LYZL1: variants seen among roughly 807,000 people sequenced by gnomAD.
The protein encoded by LYZL1 is lysozyme like 1, also known as lysozyme-like protein 1.
LYZL1 carries 16 observed loss-of-function variants against 17.9 expected under a neutral mutation model. The observed-to-expected ratio is 0.90, with a 90% CI of 0.61 to 1.36. LYZL1 has a LOEUF of 1.36. LYZL1 is among the 40% of genes most tolerant of loss of function. The pLI is 0.00. For synonymous variants in LYZL1, 58 were observed against 71.8 expected (o/e 0.81, Z 0.97); for missense variants, 149 against 188.4 (o/e 0.79, Z 1.22).
intron 3 of LYZL1, among the ~76,000 whole-genome samples, chr10:29,304,398 T>C (rs1250733670): frequency 6.6e-6 from 1 of 152,172 alleles, no homozygotes; most frequent in African/African-American, 2.4e-5. Flanking sequence ...AATTGGCCTT[T>C]GTCATCTCAC....
At chr10:29,311,279 A>G (rs1409069757), downstream of LYZL1, 11 of 1,377,200 alleles carry the variant, frequency 8.0e-6, no homozygotes, top group Non-Finnish European at 1.0e-5. Context: ...TAAGACTTGA[A>G]AAATCACCTC....
At chr10:29,311,509 G>T (rs1835672340), downstream of LYZL1, among the ~76,000 whole-genome samples, 1 of 152,132 alleles carries the variant, frequency 6.6e-6, no homozygotes, top group Non-Finnish European at 1.5e-5. Context: ...GTCTATGCAT[G>T]CCCACCCACA....
downstream of LYZL1, among the ~76,000 whole-genome samples, chr10:29,312,697 C>A (rs112324881): frequency 0.036 from 5,477 of 152,220 alleles, 136 homozygotes; most frequent in Middle Eastern, 0.12. Flanking sequence ...GCCTTCTGCT[C>A]CGCACAGGGA....
chr10:29,316,273 A>G (rs1835728830), intron 3 of LYZL1, among the ~76,000 whole-genome samples: 1 of 152,204 alleles, frequency 6.6e-6, no homozygotes, highest in South Asian at 2.1e-4. Flanking sequence ...CCACAAGTGC[A>G]GGGAAATAGA....
At chr10:29,305,571 T>C (rs1480221912) in intron 3 of LYZL1, among the ~76,000 whole-genome samples, 1 of 152,206 alleles carries the variant, frequency 6.6e-6, no homozygotes, top group Non-Finnish European at 1.5e-5. Context: ...AAACATAAGC[T>C]AGTAGTAATA....
At chr10:29,297,199 C>T (rs146574601) in intron 3 of LYZL1, among the ~76,000 whole-genome samples, 154 of 149,890 alleles carry the variant, frequency 1.0e-3, no homozygotes, top group African/African-American at 3.6e-3. Context: ...TAGAAGATAA[C>T]ATTGAAGAAA....
At chr10:29,316,222 G>A (rs1354409516), downstream of LYZL1, among the ~76,000 whole-genome samples, 2 of 152,200 alleles carry the variant, frequency 1.3e-5, no homozygotes, top group Non-Finnish European at 2.9e-5. Flanking sequence ...CCTTGAGCAG[G>A]TAATTCTTTC....
At chr10:29,307,927 C>A (rs1487184722) in intron 3 of LYZL1, among the ~76,000 whole-genome samples, 1 of 152,142 alleles carries the variant, frequency 6.6e-6, no homozygotes, top group Non-Finnish European at 1.5e-5. Flanking sequence ...GACGTTGAAT[C>A]CATTATACGC....
intron 3 of LYZL1, among the ~76,000 whole-genome samples, chr10:29,295,339 G>T (rs1358154001): frequency 2.0e-5 from 3 of 152,176 alleles, no homozygotes; most frequent in Admixed American, 2.0e-4. Context: ...GTATGCAAAT[G>T]ATTTATAAGT....
chr10:29,306,796 ATGTGTG>A lies in LYZL1; in HGVS notation c.299-3285_299-3280del, dbSNP rs35332190. ...CACCTCACATAGTTACCGCTTATGT[ATGTGTG>A]TGTGTGTGTGTGTGTGTGTGTGTGT... is the stretch of plus-strand genomic sequence containing the variant. On this transcript the variant is annotated intron_variant, in intron 3 of 4. Coordinates refer to ENST00000649382, the MANE Select transcript of LYZL1 (RefSeq NM_032517.6). Among the ~76,000 whole-genome samples the A allele has an allele frequency of 5.0e-3, 699 of 141,168 alleles. 3 individuals carry two copies. Among genetic ancestry groups the A allele is most frequent in the African/African-American group, 6.8e-3 (254 of 37,462 alleles). The allele number at this position is 141,168 out of a possible 152,430, so 92.6% of individuals were successfully genotyped here.
At chr10:29,297,263 G>A (rs1381896076) in intron 3 of LYZL1, among the ~76,000 whole-genome samples, 3 of 152,014 alleles carry the variant, frequency 2.0e-5, no homozygotes, top group Non-Finnish European at 4.4e-5. Flanking sequence ...GGAGAAATAA[G>A]AATGATAAAA....
chr10:29,291,896 T>C lies in LYZL1; in HGVS notation c.29T>C (p.Ile10Thr), dbSNP rs370710724. Residue 10 changes from isoleucine to threonine, a missense_variant, in exon 2 of 5, where the codon ATT becomes ACT. Transcript: ENST00000649382. MKAAGILTLIGCLVTGAESK... is the reference protein window; with the variant it reads MKAAGILTLTGCLVTGAESK... ...AAGGCTGCGGGCATTCTGACCCTCA[T>C]TGGCTGCCTGGTCACAGGCGCCGAG... The C allele has an allele frequency of 3.0e-5, 48 of 1,592,068 alleles. No homozygotes were observed. Among genetic ancestry groups the C allele is most frequent in the African/African-American group, 2.3e-4 (17 of 73,262 alleles).
chr10:29,290,039 C>T (rs1281254549), intron 1 of LYZL1, among the ~76,000 whole-genome samples: 1 of 152,150 alleles, frequency 6.6e-6, no homozygotes, highest in Non-Finnish European at 1.5e-5. Context: ...ATTGCTTAGT[C>T]ACCTTAAAGC....
Position 29,296,370 on chromosome 10 carries a change from G to A in LYZL1, c.298+3693G>A, listed in dbSNP as rs563812245. 2.6e-5 allele frequency among the ~76,000 whole-genome samples: 4 copies of A among 152,184 alleles called. No homozygotes were observed. The East Asian group carries it at 7.7e-4, about 29-fold the overall frequency. On this transcript the variant is annotated intron_variant, in intron 3 of 4. Coordinates refer to ENST00000649382, the MANE Select transcript of LYZL1 (RefSeq NM_032517.6). ...CCAACAACAACAACAACAACAAAAA[G>A]CTCTGAAATCAGTAGCATTAGCTAC... is the stretch of plus-strand genomic sequence containing the variant.
At chr10:29,297,571 T>C (rs975820919) in intron 3 of LYZL1, among the ~76,000 whole-genome samples, 4 of 152,254 alleles carry the variant, frequency 2.6e-5, no homozygotes, top group African/African-American at 9.6e-5. Flanking sequence ...TTCTGCTTTG[T>C]CTCATACTGG....
At chr10:29,313,174 G>A (rs1287408837), downstream of LYZL1, among the ~76,000 whole-genome samples, 1 of 152,032 alleles carries the variant, frequency 6.6e-6, no homozygotes, top group African/African-American at 2.4e-5. Flanking sequence ...CAATTTAACA[G>A]GCATTATAAA....
chr10:29,304,435 G>A lies in LYZL1; in HGVS notation c.299-5675G>A, dbSNP rs374227755. Among the ~76,000 whole-genome samples the A allele has an allele frequency of 4.9e-4, 74 of 152,294 alleles. 1 individual carries two copies. Among genetic ancestry groups the A allele is most frequent in the African/African-American group, 1.8e-3 (73 of 41,582 alleles). On this transcript the variant is annotated intron_variant, in intron 3 of 4. Coordinates refer to ENST00000649382, the MANE Select transcript of LYZL1 (RefSeq NM_032517.6). ...GGGGAAAGAGATGAACATCGAGGGT[G>A]TGTGGCTGCTAGATTTCACTTGGGA...
At chr10:29,308,045 C>T (rs1835619475) in intron 3 of LYZL1, among the ~76,000 whole-genome samples, 1 of 152,094 alleles carries the variant, frequency 6.6e-6, no homozygotes, top group Non-Finnish European at 1.5e-5. Flanking sequence ...CAAAACAAAA[C>T]CTTTGAGTAA....
intron 3 of LYZL1, among the ~76,000 whole-genome samples, chr10:29,295,852 G>A (rs1255438477): frequency 1.3e-5 from 2 of 152,194 alleles, no homozygotes; most frequent in Non-Finnish European, 2.9e-5. Context: ...GTGGTCCCTA[G>A]AAGCTGGGAA....
Sources: allele counts gnomAD v4.1 joint callset (sites outside exome capture counted in the v4.1 genomes callset), GRCh38; gene constraint gnomAD v4.1.1; transcripts MANE v1.5; gene names NCBI Gene and HGNC (gene_info 2026-07-23, HGNC 2026-07-21).